Variants in ATXN1 observed in about 807,000 individuals in gnomAD.
ATXN1 encodes the protein ataxin-1.
A neutral mutation model predicts 56.4 loss-of-function variants in ATXN1; 8 were observed. The ratio of observed to expected loss-of-function variants is 0.14; its 90% confidence interval spans 0.08 to 0.26. The LOEUF (loss-of-function observed/expected upper bound fraction) is 0.26. Among genes scored for constraint, ATXN1 ranks in the 10% least tolerant of loss-of-function variants. The probability of loss-of-function intolerance (pLI) is 1.00; values close to 1 mark genes in which losing one functional copy is unlikely to be tolerated. For missense variants in ATXN1, 987 were observed against 1,106.5 expected (o/e 0.89, Z 1.53); for synonymous variants, 514 against 494.6 (o/e 1.04, Z -0.52).
chr6:16,543,796 G>A (rs1453508060), intron 4 of ATXN1, among the ~76,000 whole-genome samples: 3 of 152,170 alleles, frequency 2.0e-5, no homozygotes, highest in Non-Finnish European at 2.9e-5. Context: ...TTTAGGGCTA[G>A]AAGCCAATGA....
At chr6:16,735,125 T>C (rs941354069) in intron 2 of ATXN1, among the ~76,000 whole-genome samples, 4 of 152,202 alleles carry the variant, frequency 2.6e-5, no homozygotes, top group African/African-American at 4.8e-5. Flanking sequence ...TAAAATGGCA[T>C]GCATGAAGCC....
chr6:16,697,726 C>T (rs1293032430), intron 2 of ATXN1, among the ~76,000 whole-genome samples: 1 of 151,594 alleles, frequency 6.6e-6, no homozygotes, highest in African/African-American at 2.4e-5. Context: ...TTCAAAGGAA[C>T]CAAACATTTC....
intron 6 of ATXN1, among the ~76,000 whole-genome samples, chr6:16,380,945 T>C (rs1386246029): frequency 6.6e-6 from 1 of 152,152 alleles, no homozygotes; most frequent in Non-Finnish European, 1.5e-5. Context: ...TAAGATGAGG[T>C]CATCCTGGAG....
At chr6:16,563,566 G>A (rs1762160125) in intron 4 of ATXN1, among the ~76,000 whole-genome samples, 1 of 152,142 alleles carries the variant, frequency 6.6e-6, no homozygotes, top group South Asian at 2.1e-4. Context: ...GGAAGAGAGG[G>A]AAAGCAAGGG....
At chr6:16,480,098 G>A (rs1335751745) in intron 6 of ATXN1, among the ~76,000 whole-genome samples, 3 of 128,160 alleles carry the variant, frequency 2.3e-5, no homozygotes, top group African/African-American at 9.0e-5. Flanking sequence ...GTTGCAGTGA[G>A]TTAAGATCGT....
chr6:16,398,002 G>T (rs767920729), intron 6 of ATXN1, among the ~76,000 whole-genome samples: 3 of 152,146 alleles, frequency 2.0e-5, no homozygotes, highest in Non-Finnish European at 4.4e-5. Flanking sequence ...TGCATAGACA[G>T]GACTCAAATC....
At chr6:16,397,959 G>A (rs557608400) in intron 6 of ATXN1, among the ~76,000 whole-genome samples, 1 of 152,278 alleles carries the variant, frequency 6.6e-6, no homozygotes, top group Admixed American at 6.5e-5. Flanking sequence ...GGTGAGATTA[G>A]GTGATCTGTC....
intron 7 of ATXN1, among the ~76,000 whole-genome samples, chr6:16,322,168 G>A (rs1051270011): frequency 2.0e-5 from 3 of 152,170 alleles, no homozygotes; most frequent in African/African-American, 4.8e-5. Flanking sequence ...AGGCTGCAGT[G>A]AGCCAATGAT....
At chr6:16,699,706 T>C (rs1363033420) in intron 2 of ATXN1, among the ~76,000 whole-genome samples, 1 of 152,212 alleles carries the variant, frequency 6.6e-6, no homozygotes, top group African/African-American at 2.4e-5. Context: ...CTTGTTTTTA[T>C]TAACGTAAGA....
intron 6 of ATXN1, among the ~76,000 whole-genome samples, chr6:16,396,057 A>G (rs182837367): frequency 6.9e-4 from 104 of 150,314 alleles, no homozygotes; most frequent in Admixed American, 2.6e-3. Context: ...AACTGTAAAC[A>G]GCCTCAGGCA....
At chr6:16,333,225 G>T (rs899933660) in intron 6 of ATXN1, among the ~76,000 whole-genome samples, 4 of 152,134 alleles carry the variant, frequency 2.6e-5, no homozygotes, top group African/African-American at 9.7e-5. Context: ...CAACTGCAGA[G>T]AAATATACTT....
chr6:16,693,480 C>T (rs992369015), intron 2 of ATXN1, among the ~76,000 whole-genome samples: 4 of 152,190 alleles, frequency 2.6e-5, no homozygotes, highest in Admixed American at 2.0e-4. Context: ...CTTTCAGCCT[C>T]TCAAAGCCAA....
intron 2 of ATXN1, among the ~76,000 whole-genome samples, chr6:16,664,761 A>C (rs1758391713): frequency 6.6e-6 from 1 of 152,050 alleles, no homozygotes; most frequent in Non-Finnish European, 1.5e-5. Flanking sequence ...ATAAATTTTA[A>C]GAGTATAAAG....
intron 5 of ATXN1, among the ~76,000 whole-genome samples, chr6:16,514,796 A>G (rs909792553): frequency 4.6e-5 from 7 of 152,004 alleles, no homozygotes; most frequent in Admixed American, 4.6e-4. Context: ...AGCCTGGCCA[A>G]CATGGTGAAA....
At chr6:16,660,832 G>GTTTTTTTTTTTTTTTTTT (rs754718969) in intron 2 of ATXN1, among the ~76,000 whole-genome samples, 4 of 93,030 alleles carry the variant, frequency 4.3e-5, no homozygotes, top group African/African-American at 1.3e-4. Flanking sequence ...TTTTGTTTTG[G>GTTTTTTTTTTTTTTTTTT]TTTTTTTTTT....
chr6:16,678,292 T>C (rs1485877387), intron 2 of ATXN1, among the ~76,000 whole-genome samples: 1 of 152,226 alleles, frequency 6.6e-6, no homozygotes, highest in Non-Finnish European at 1.5e-5. Context: ...AAAATGTACA[T>C]GTTTGTACCA....
intron 4 of ATXN1, among the ~76,000 whole-genome samples, chr6:16,582,154 C>T (rs574315990): frequency 4.6e-5 from 7 of 152,286 alleles, no homozygotes; most frequent in African/African-American, 1.7e-4. Flanking sequence ...CTGTTCTATG[C>T]CTTCCAGATC....
rs556850166 is a variant in ATXN1, at chr6:16,331,094, G to A, written c.-160-2624C>T. Among the ~76,000 whole-genome samples the A allele has an allele frequency of 5.9e-5, 9 of 152,108 alleles. No homozygotes were observed. In the South Asian group the frequency reaches 1.0e-3, roughly 18 times the overall value. ...CGGCTCACTGCAACCTCCGCCTCCC[G>A]GGTTCAAGCGATTCTCCTGCCTCAG... On this transcript the variant is annotated intron_variant, in intron 6 of 7. Coordinates refer to ENST00000436367, the MANE Select transcript of ATXN1 (RefSeq NM_001128164.2).
intron 4 of ATXN1, among the ~76,000 whole-genome samples, chr6:16,536,288 T>G (rs1233386991): frequency 1.3e-5 from 2 of 152,084 alleles, no homozygotes; most frequent in Admixed American, 1.3e-4. Flanking sequence ...AAAGCCAATA[T>G]TTTATTTTGA....
Sources: allele counts gnomAD v4.1 joint callset (sites outside exome capture counted in the v4.1 genomes callset), GRCh38; gene constraint gnomAD v4.1.1; transcripts MANE v1.5; gene names NCBI Gene and HGNC (gene_info 2026-07-23, HGNC 2026-07-21).